Variants in MTMR10 observed in about 807,000 individuals in gnomAD.
MTMR10 encodes myotubularin related protein 10.
Under a neutral mutation model 88.1 loss-of-function variants are expected in MTMR10, and 56 were observed. The ratio of observed to expected loss-of-function variants is 0.64; its 90% CI spans 0.51 to 0.79. The LOEUF (loss-of-function observed/expected upper bound fraction) is 0.79. Among genes scored for constraint, MTMR10 ranks in the 30% least tolerant of loss-of-function variants. The pLI is 0.00. For missense variants in MTMR10, 883 were observed against 924.7 expected, an observed-to-expected ratio of 0.95 and a Z score of 0.58; for synonymous variants, 380 against 340.9, an observed-to-expected ratio of 1.11 and a Z score of -1.26.
Position 30,941,709 on chromosome 15 carries a change from G to A in MTMR10, c.2095C>T (p.Gln699Ter). 6.2e-7 allele frequency: 1 copy of A among 1,613,906 alleles called. No homozygotes were observed. Among genetic ancestry groups the A allele is most frequent in the Non-Finnish European group, 8.5e-7 (1 of 1,179,850 alleles). Residue 699 changes from glutamine (Q) to a stop codon, truncating the protein, a stop_gained, in exon 16 of 16, where the codon CAG becomes TAG. Transcript: ENST00000435680. LOFTEE classifies it high-confidence loss of function. ...VDVLSRMLRQ[Q>*]RSGPLEACYG... Reference sequence around the variant, plus strand: ...CAGGCCTCCAGGGGGCCACTGCGCTGTTGCCGCAGCATCCTGCTCAGTACG... The same window carrying A: ...CAGGCCTCCAGGGGGCCACTGCGCTATTGCCGCAGCATCCTGCTCAGTACG...
At chr15:30,933,313 G>A in the MTMR10 span, among the ~76,000 whole-genome samples, 1 of 152,122 alleles carries the variant, frequency 6.6e-6, no homozygotes, top group South Asian at 2.1e-4. Context: ...CACAAATTTA[G>A]TAGTTGTTTT....
At chr15:30,947,406 C>T (rs2063186502) in intron 13 of MTMR10, 106 bp from the exon 14 acceptor site, 2 of 1,322,706 alleles carry the variant, frequency 1.5e-6, no homozygotes, top group Non-Finnish European at 2.1e-6. Flanking sequence ...AATGAGAAAA[C>T]ATCGAAGCCT....
In MTMR10 at chr15:30,941,916, A is replaced by T. The variant is rs913520743; in HGVS notation, c.1888T>A (p.Tyr630Asn). ...TDSQNSDTEQ[Y>N]FREWFSKPAN... The stretch of plus-strand genomic sequence containing the variant: ...GGTTTGGAAAACCATTCTCTAAAAT[A>T]CTGCTCCGTATCACTGTTCTGGCTG... Residue 630 changes from tyrosine (Y) to asparagine (N), a missense_variant, in exon 16 of 16, where the codon TAT (tyrosine) becomes AAT (asparagine). Tyr to Asn is a moderately radical substitution (Grantham distance 143). Transcript: ENST00000435680. The T allele has an allele frequency of 5.6e-6, 9 of 1,613,928 alleles. No homozygotes were observed. The highest frequency in any genetic ancestry group is 5.0e-5 in the Admixed American group (3 of 60,012).
chr15:30,947,189 T>A lies in MTMR10; in HGVS notation c.1489A>T (p.Ile497Phe), dbSNP rs1355323758. Reference sequence around the variant, plus strand: ...AACAGGAAGGTGCCAAACAGTGAGATCCGGGTGCTGTCATACAACACTGCC... The same window carrying A: ...AACAGGAAGGTGCCAAACAGTGAGAACCGGGTGCTGTCATACAACACTGCC... ...YLAVLYDSTR[I>F]SLFGTFLFNS... The change falls in exon 14 of 16, where the codon ATC becomes TTC. Residue 497 changes from isoleucine (I) to phenylalanine (F), a missense_variant. This residue lies in a region of MTMR10 where 126 missense variants were observed against 178.2 expected (regional missense o/e 0.71). Coordinates refer to ENST00000435680, the MANE Select transcript of MTMR10 (RefSeq NM_017762.3). The A allele has an allele frequency of 1.5e-5, 25 of 1,613,842 alleles. No homozygotes were observed. Among genetic ancestry groups the A allele is most frequent in the Non-Finnish European group, 2.0e-5 (24 of 1,179,882 alleles).
At chr15:30,931,434 A>G in the MTMR10 span, among the ~76,000 whole-genome samples, 1 of 152,236 alleles carries the variant, frequency 6.6e-6, no homozygotes, top group African/African-American at 2.4e-5. Context: ...AAAGTTTGAC[A>G]AAATCCAACT....
At chr15:30,918,891 G>A in the MTMR10 span, among the ~76,000 whole-genome samples, 1 of 152,064 alleles carries the variant, frequency 6.6e-6, no homozygotes, top group Non-Finnish European at 1.5e-5. Context: ...TGATGCAGGG[G>A]TTGGGGTACC....
chr15:30,923,720 CAG>C, the MTMR10 span, among the ~76,000 whole-genome samples: 1 of 152,250 alleles, frequency 6.6e-6, no homozygotes, highest in South Asian at 2.1e-4. Flanking sequence ...GGGTGCCCTT[CAG>C]AGTCTCATTC....
chr15:30,946,828 T>C (rs1037560742), intron 14 of MTMR10: 4 of 684,224 alleles, frequency 5.8e-6, no homozygotes, highest in African/African-American at 5.3e-5. Context: ...TACTACCCAA[T>C]AGCCCAAATG....
At chr15:30,927,249 T>G in the MTMR10 span, 1 of 985,356 alleles carries the variant, frequency 1.0e-6, no homozygotes, top group Non-Finnish European at 1.2e-6. Flanking sequence ...GATCTGGCCT[T>G]TATATTCCTG....
chr15:30,961,532 C>T (rs2959052), intron 6 of MTMR10, among the ~76,000 whole-genome samples: 62,790 of 151,994 alleles, frequency 0.41, 14,396 homozygotes, highest in East Asian at 0.85. Context: ...TGAGCCACCA[C>T]GCCTGGCCTA....
At chr15:30,929,708 CAT>C in the MTMR10 span, among the ~76,000 whole-genome samples, 1,258 of 76,364 alleles carry the variant, frequency 0.016, 174 homozygotes, top group African/African-American at 0.038. Flanking sequence ...TATATTATAT[CAT>C]ATATAATATA....
chr15:30,925,978 G>C, the MTMR10 span: 1 of 1,608,468 alleles, frequency 6.2e-7, no homozygotes, highest in South Asian at 1.1e-5. Context: ...CCCAGCCCCG[G>C]GTGGACGAGC....
chr15:30,938,696 C>T (rs1333320644), downstream of MTMR10, among the ~76,000 whole-genome samples: 4 of 152,062 alleles, frequency 2.6e-5, no homozygotes, highest in Non-Finnish European at 5.9e-5. Context: ...GAATATTACT[C>T]CCCAGTTTTT....
the MTMR10 span, among the ~76,000 whole-genome samples, chr15:30,919,563 T>C: frequency 2.0e-5 from 3 of 150,300 alleles, no homozygotes; most frequent in African/African-American, 7.3e-5. Context: ...TTGTGACGAG[T>C]GTCTGTAATC....
the MTMR10 span, among the ~76,000 whole-genome samples, chr15:30,932,221 C>CAAAAA: frequency 4.0e-5 from 2 of 49,496 alleles, no homozygotes; most frequent in Admixed American, 2.1e-4. Context: ...GACTCCATCT[C>CAAAAA]AAAAAAAAAA....
chr15:30,924,595 A>T, the MTMR10 span, among the ~76,000 whole-genome samples: 1 of 152,124 alleles, frequency 6.6e-6, no homozygotes, highest in Admixed American at 6.5e-5. Context: ...CGCCTTGGGA[A>T]ATACTTGTAA....
At chr15:30,944,684 C>A (rs1388172320) in intron 14 of MTMR10, among the ~76,000 whole-genome samples, 1 of 151,698 alleles carries the variant, frequency 6.6e-6, no homozygotes, top group Non-Finnish European at 1.5e-5. Flanking sequence ...TGAACCCAAA[C>A]GTGTTTTAAT....
intron 6 of MTMR10, 31 bp downstream of exon 6, chr15:30,967,889 T>G (rs2063490874): frequency 6.7e-7 from 1 of 1,488,810 alleles, no homozygotes; most frequent in Non-Finnish European, 9.1e-7. Flanking sequence ...CATGTAAAAT[T>G]AGTCACAATA....
intron 5 of MTMR10, among the ~76,000 whole-genome samples, chr15:30,970,536 T>G (rs1190110259): frequency 3.3e-5 from 5 of 152,118 alleles, no homozygotes; most frequent in African/African-American, 4.8e-5. Context: ...TACACTAATA[T>G]TCACTGACAA....
Sources: allele counts gnomAD v4.1 joint callset (sites outside exome capture counted in the v4.1 genomes callset), GRCh38; gene constraint gnomAD v4.1.1; regional missense constraint gnomAD v4.1.1; transcripts MANE v1.5; gene names NCBI Gene and HGNC (gene_info 2026-07-23, HGNC 2026-07-21).